Variants in XIRP2 observed in about 807,000 individuals in gnomAD.
XIRP2 encodes xin actin binding repeat containing 2, also known as xin actin-binding repeat-containing protein 2.
XIRP2 carries 236 observed loss-of-function variants against 277.0 expected under a neutral mutation model. That is an observed-to-expected ratio of 0.85 (90% CI 0.77 to 0.95). The LOEUF (loss-of-function observed/expected upper bound fraction) is 0.95, where lower values mean the gene tolerates loss of function less well. XIRP2 is among the 40% of genes least tolerant of loss of function. The probability of loss-of-function intolerance (pLI) is 0.00; values close to 1 mark genes in which losing one functional copy is unlikely to be tolerated. For missense variants in XIRP2, 4,640 were observed against 4,157.5 expected, an observed-to-expected ratio of 1.12 and a Z score of -3.19; for synonymous variants, 1,490 against 1,416.5, an observed-to-expected ratio of 1.05 and a Z score of -1.17.
chr2:167,053,838 G>A (rs1284724042), intron 2 of XIRP2, among the ~76,000 whole-genome samples: 1 of 152,160 alleles, frequency 6.6e-6, no homozygotes, highest in Non-Finnish European at 1.5e-5. Context: ...GCTCAAGACA[G>A]GTTCATGATA....
At chr2:166,903,343 G>A (rs1157894683) in intron 1 of XIRP2, 122 bp from the exon 2 acceptor site, 2 of 917,184 alleles carry the variant, frequency 2.2e-6, no homozygotes, top group Non-Finnish European at 3.2e-6. Flanking sequence ...AATTGTATAG[G>A]AAAGCTGGAT....
chr2:167,017,820 G>A (rs1687872902), intron 2 of XIRP2, among the ~76,000 whole-genome samples: 1 of 151,986 alleles, frequency 6.6e-6, no homozygotes, highest in South Asian at 2.1e-4. Flanking sequence ...AAGTTCTCCA[G>A]TACCAACATC....
chr2:167,137,117 T>G (rs556100940), intron 3 of XIRP2, among the ~76,000 whole-genome samples: 1 of 152,302 alleles, frequency 6.6e-6, no homozygotes, highest in South Asian at 2.1e-4. Context: ...AGACTGGTCT[T>G]CAGGGGAATT....
chr2:167,100,137 C>T (rs2105285035), intron 2 of XIRP2, among the ~76,000 whole-genome samples: 1 of 150,796 alleles, frequency 6.6e-6, no homozygotes, highest in East Asian at 2.0e-4. Flanking sequence ...CCAAACCATG[C>T]TCTCCCACTA....
intron 2 of XIRP2, among the ~76,000 whole-genome samples, chr2:167,095,117 T>C (rs1690263371): frequency 6.6e-6 from 1 of 152,200 alleles, no homozygotes; most frequent in Non-Finnish European, 1.5e-5. Context: ...GCTTTGTTTG[T>C]CTATTATTGA....
At chr2:167,067,671 C>T (rs911659272) in intron 2 of XIRP2, among the ~76,000 whole-genome samples, 1 of 152,118 alleles carries the variant, frequency 6.6e-6, no homozygotes, top group Admixed American at 6.6e-5. Flanking sequence ...TCCAAAGTGA[C>T]CACATGCTCT....
Position 167,177,068 on chromosome 2 carries a change from G to A in XIRP2, c.563-33667G>A, listed in dbSNP as rs538913662. ...TATGGGAGACAGTTGGTGGGCAGGC[G>A]TAGATCTTCTTTGTGCCTTGGACTT... On this transcript the variant is annotated intron_variant, in intron 3 of 10. Transcript: ENST00000409195. Among the ~76,000 whole-genome samples the A allele has an allele frequency of 8.5e-5, 13 of 152,308 alleles. No individual in the cohort carries two copies. The South Asian group carries it at 1.7e-3, about 19-fold the overall frequency.
chr2:166,932,696 T>C (rs910019749), intron 2 of XIRP2, among the ~76,000 whole-genome samples: 1 of 152,184 alleles, frequency 6.6e-6, no homozygotes, highest in African/African-American at 2.4e-5. Context: ...GGTAGTTCAA[T>C]TTAAACTTTT....
At chr2:166,997,879 C>G (rs1427098955) in intron 2 of XIRP2, among the ~76,000 whole-genome samples, 2 of 151,354 alleles carry the variant, frequency 1.3e-5, no homozygotes, top group Non-Finnish European at 2.9e-5. Context: ...TCCACTCCAG[C>G]CTGGTGAAAG....
In XIRP2 at chr2:167,243,844, G is replaced by A; in HGVS notation, c.2452G>A (p.Glu818Lys). ...GTGGTTATTTGAAACCCAACCTTTGGAGAAAATCAAAGAGTCAGAAGAGGT... is the reference window on the plus strand; with the variant it reads ...GTGGTTATTTGAAACCCAACCTTTGAAGAAAATCAAAGAGTCAGAAGAGGT... ...AKWLFETQPL[E>K]KIKESEEVII... The change falls in exon 9 of 11, where the codon GAG becomes AAG. Residue 818 changes from glutamate (E) to lysine (K), a missense_variant. By Grantham distance (56) the Glu-to-Lys change is moderately conservative. Transcript: ENST00000409195. The A allele has an allele frequency of 1.2e-6, 2 of 1,613,846 alleles. No individual in the cohort carries two copies. The highest frequency in any genetic ancestry group is 1.7e-6 in the Non-Finnish European group (2 of 1,179,898).
chr2:167,005,789 TA>T (rs5836128), intron 2 of XIRP2, among the ~76,000 whole-genome samples: 5,947 of 147,156 alleles, frequency 0.04, 139 homozygotes, highest in East Asian at 0.076. Flanking sequence ...TCTTTATTGA[TA>T]AAAAAAAAAA....
At chr2:167,234,336 T>C (rs1694841646) in intron 5 of XIRP2, among the ~76,000 whole-genome samples, 1 of 151,184 alleles carries the variant, frequency 6.6e-6, no homozygotes, top group Non-Finnish European at 1.5e-5. Context: ...TGGTATATAT[T>C]TGGCATTCTT....
At position 167,249,228 on chromosome 2, in the gene XIRP2, A is replaced by G. The variant is rs1695388090; in HGVS notation, c.7836A>G (p.Pro2612=). The G allele has an allele frequency of 1.9e-6, 3 of 1,613,688 alleles. No homozygotes were observed. Among genetic ancestry groups the G allele is most frequent in the Non-Finnish European group, 2.5e-6 (3 of 1,179,738 alleles). ...DSECTVVQPS[P]GSQSNARILG... is the part of the protein sequence containing the mutation. The stretch of plus-strand genomic sequence containing the variant: ...AATGCACTGTGGTTCAACCCAGCCC[A>G]GGCTCTCAAAGTAATGCTCGGATAC... The change falls in exon 9 of 11, where the codon CCA becomes CCG. Residue 2612 remains proline, a synonymous_variant. Transcript: ENST00000409195.
chr2:167,011,602 G>A lies in XIRP2; in HGVS notation c.408+107712G>A, dbSNP rs1290562293. Among the ~76,000 whole-genome samples, 24 of 152,104 alleles carry A rather than the reference G, an allele frequency of 1.6e-4. No homozygotes were observed. The South Asian group carries it at 2.1e-3, about 13-fold the overall frequency. Reference sequence around the variant, plus strand: ...CTGGCCTCATAACATGAGTTAGGGAGGATTCCCTCTTTTTCTATTGATTGG... The same window carrying A: ...CTGGCCTCATAACATGAGTTAGGGAAGATTCCCTCTTTTTCTATTGATTGG... On this transcript the variant is annotated intron_variant, in intron 2 of 10. Coordinates refer to ENST00000409195, the MANE Select transcript of XIRP2 (RefSeq NM_152381.6).
chr2:167,020,342 A>C (rs1687946754), intron 2 of XIRP2, among the ~76,000 whole-genome samples: 1 of 152,000 alleles, frequency 6.6e-6, no homozygotes, highest in African/African-American at 2.4e-5. Context: ...ATAGTGAAAC[A>C]AATAATGACT....
Position 167,251,783 on chromosome 2 carries a change from G to T in XIRP2, c.10391G>T (p.Gly3464Val). 1 of 1,613,336 alleles carries T rather than the reference G, an allele frequency of 6.2e-7. No homozygotes were observed. The highest frequency in any genetic ancestry group is 2.2e-5 in the East Asian group (1 of 44,816). Residue 3464 changes from glycine to valine, a missense_variant, in exon 9 of 11, where the codon GGA (glycine) becomes GTA (valine). Coordinates refer to ENST00000409195, the MANE Select transcript of XIRP2 (RefSeq NM_152381.6). ...APPTYEDVIA[G>V]HILDISDSPK... is the part of the protein sequence containing the mutation. ...CCAACCTATGAGGATGTCATTGCTGGACATATTTTAGATATCTCTGATTCA... is the reference window on the plus strand; with the variant it reads ...CCAACCTATGAGGATGTCATTGCTGTACATATTTTAGATATCTCTGATTCA...
At chr2:167,009,700 A>C (rs1379078971) in intron 2 of XIRP2, among the ~76,000 whole-genome samples, 1 of 151,884 alleles carries the variant, frequency 6.6e-6, no homozygotes, top group East Asian at 1.9e-4. Flanking sequence ...AAGTGTTCCT[A>C]TTTCTCCACA....
chr2:167,146,704 G>A (rs1400442991), intron 3 of XIRP2, among the ~76,000 whole-genome samples: 4 of 152,022 alleles, frequency 2.6e-5, no homozygotes, highest in African/African-American at 9.7e-5. Flanking sequence ...ACACTTTATA[G>A]AACTGAATTT....
chr2:167,225,405 G>A (rs190594310), intron 5 of XIRP2, among the ~76,000 whole-genome samples: 43 of 152,222 alleles, frequency 2.8e-4, no homozygotes, highest in Admixed American at 1.4e-3. Context: ...GAAAGAAAAG[G>A]TAGAGGAAAA....
Sources: allele counts gnomAD v4.1 joint callset (sites outside exome capture counted in the v4.1 genomes callset), GRCh38; gene constraint gnomAD v4.1.1; transcripts MANE v1.5; gene names NCBI Gene and HGNC (gene_info 2026-07-23, HGNC 2026-07-21).